The following MATN2 variants were observed in gnomAD, a reference collection of about 807,000 sequenced individuals.
MATN2 encodes the protein matrilin-2.
A neutral mutation model predicts 103.2 loss-of-function variants in MATN2; 69 were observed. That is an observed-to-expected ratio of 0.67 (90% CI 0.55 to 0.82). The LOEUF is 0.82. Among genes scored for constraint, MATN2 ranks in the 40% least tolerant of loss-of-function variants. MATN2 has a pLI of 0.00. For synonymous variants in MATN2, 429 were observed against 450.2 expected (o/e 0.95, Z 0.60); for missense variants, 1,023 against 1,211.5 (o/e 0.84, Z 2.31).
chr8:97,872,353 A>C (rs1169789741), intron 1 of MATN2, among the ~76,000 whole-genome samples: 1 of 152,178 alleles, frequency 6.6e-6, no homozygotes, highest in Non-Finnish European at 1.5e-5. Flanking sequence ...TGTCAGAGGA[A>C]CCTTTATCTA....
chr8:97,881,913 C>CAT (rs1554597815), intron 1 of MATN2, among the ~76,000 whole-genome samples: 1 of 84,090 alleles, frequency 1.2e-5, no homozygotes, highest in Non-Finnish European at 2.1e-5. Flanking sequence ...TATTACTTAT[C>CAT]TTTTTTTTTT....
intron 16 of MATN2, among the ~76,000 whole-genome samples, chr8:98,032,577 G>A (rs1376371996): frequency 6.6e-6 from 1 of 151,934 alleles, no homozygotes; most frequent in Non-Finnish European, 1.5e-5. Context: ...TGTTGCCCAG[G>A]CTGGAGTGCA....
Position 98,007,079 on chromosome 8 carries a change from A to C in MATN2, c.1328-26A>C. 1 of 1,587,450 alleles carries C rather than the reference A, an allele frequency of 6.3e-7. No homozygotes were observed. The highest frequency in any genetic ancestry group is 8.6e-7 in the Non-Finnish European group (1 of 1,165,974). ...GGGGTATTGCCCCCTCGGCTCCTCTATGCTTTCGCGTGTGTGAAAATGCAG... is the reference window on the plus strand; with the variant it reads ...GGGGTATTGCCCCCTCGGCTCCTCTCTGCTTTCGCGTGTGTGAAAATGCAG... On this transcript the variant is annotated intron_variant, in intron 8 of 18. Transcript: ENST00000254898. This position sits in a 1 kb window ranked among gnomAD's most constrained non-coding sequence, Gnocchi z 4.2.
At chr8:97,972,000 A>T (rs1157414347) in intron 5 of MATN2, among the ~76,000 whole-genome samples, 1 of 151,514 alleles carries the variant, frequency 6.6e-6, no homozygotes, top group Non-Finnish European at 1.5e-5. Flanking sequence ...GTTCGAGACC[A>T]GCCTGGTCAA....
At chr8:97,873,996 A>G (rs1334274650) in intron 1 of MATN2, among the ~76,000 whole-genome samples, 1 of 152,168 alleles carries the variant, frequency 6.6e-6, no homozygotes, top group African/African-American at 2.4e-5. Flanking sequence ...TGACTTTTCT[A>G]GCTGCTTCTC....
At chr8:98,013,091 C>A (rs1813225728) in intron 10 of MATN2, among the ~76,000 whole-genome samples, 1 of 152,196 alleles carries the variant, frequency 6.6e-6, no homozygotes, top group African/African-American at 2.4e-5. Flanking sequence ...TAGGGGACCA[C>A]TGAAGCATTT....
At chr8:97,908,382 G>A (rs1358519039) in intron 2 of MATN2, among the ~76,000 whole-genome samples, 2 of 152,110 alleles carry the variant, frequency 1.3e-5, no homozygotes, top group Non-Finnish European at 2.9e-5. Context: ...GGCTGAAGTG[G>A]GAGGATTGCT....
intron 6 of MATN2, among the ~76,000 whole-genome samples, chr8:97,983,820 T>C (rs1812106726): frequency 6.6e-6 from 1 of 152,148 alleles, no homozygotes; most frequent in South Asian, 2.1e-4. Context: ...CAGAAGGAAG[T>C]AAACTTTTTA....
At chr8:98,034,182 T>G (rs1254309923) in intron 18 of MATN2, 1 of 455,720 alleles carries the variant, frequency 2.2e-6, no homozygotes, top group African/African-American at 2.0e-5. Flanking sequence ...AGCAGAGATC[T>G]TCTCTATCGG....
In MATN2 at chr8:98,005,486, G is replaced by C. The variant is rs781042108; in HGVS notation, c.1328-1619G>C. Among the ~76,000 whole-genome samples, 3 of 152,140 alleles carry C rather than the reference G, an allele frequency of 2.0e-5. No individual in the cohort carries two copies. Among genetic ancestry groups the C allele is most frequent in the Non-Finnish European group, 2.9e-5 (2 of 68,020 alleles). On this transcript the variant is annotated intron_variant, in intron 8 of 18. Transcript: ENST00000254898. The surrounding 1 kb of genome is among the most constrained non-coding windows in gnomAD (Gnocchi z 4.6). The stretch of plus-strand genomic sequence containing the variant: ...ACGCAGATCACCAGGGACATGGCTT[G>C]ACTGCCCCTCCCAGCATGCTTCCGG...
intron 1 of MATN2, among the ~76,000 whole-genome samples, chr8:97,886,582 A>G (rs1272963394): frequency 6.6e-6 from 1 of 152,248 alleles, no homozygotes; most frequent in African/African-American, 2.4e-5. Flanking sequence ...ATCTTAATGC[A>G]TAGTAAAATT....
intron 6 of MATN2, among the ~76,000 whole-genome samples, chr8:97,991,721 CAAA>C: frequency 7.2e-6 from 1 of 138,276 alleles, no homozygotes; most frequent in East Asian, 2.2e-4. Context: ...GACTCTATCT[CAAA>C]AAAAAAAAAA....
intron 2 of MATN2, among the ~76,000 whole-genome samples, chr8:97,928,745 C>T (rs73698694): frequency 0.027 from 4,108 of 152,294 alleles, 170 homozygotes; most frequent in African/African-American, 0.093. Flanking sequence ...CAGCACACGT[C>T]GGGAGTTCCC....
At chr8:98,026,206 G>A (rs1480743899) in intron 13 of MATN2, among the ~76,000 whole-genome samples, 2 of 141,578 alleles carry the variant, frequency 1.4e-5, no homozygotes, top group African/African-American at 2.6e-5. Flanking sequence ...AAAAATGCCT[G>A]AAAAGCTTCC....
intron 2 of MATN2, among the ~76,000 whole-genome samples, chr8:97,911,642 G>T (rs1448558397): frequency 6.6e-6 from 1 of 150,850 alleles, no homozygotes; most frequent in African/African-American, 2.4e-5. Flanking sequence ...GGGAGGCAGA[G>T]GTTGTAGTGA....
At chr8:97,945,463 G>A (rs1025403025) in intron 4 of MATN2, among the ~76,000 whole-genome samples, 4 of 151,888 alleles carry the variant, frequency 2.6e-5, no homozygotes, top group Non-Finnish European at 5.9e-5. Context: ...GACCCTAGAG[G>A]ACCCCGACAT....
chr8:98,025,707 T>A (rs1227603599), intron 13 of MATN2: 1 of 422,522 alleles, frequency 2.4e-6, no homozygotes, highest in East Asian at 9.1e-5. Flanking sequence ...GATCGCGCCA[T>A]TGTACTCCAG....
intron 5 of MATN2, among the ~76,000 whole-genome samples, chr8:97,966,893 G>A (rs1206270039): frequency 1.3e-5 from 2 of 152,200 alleles, no homozygotes; most frequent in African/African-American, 4.8e-5. Context: ...GAATACCTGA[G>A]ATTAGCTAAA....
At chr8:97,916,690 G>A (rs1050884109) in intron 2 of MATN2, among the ~76,000 whole-genome samples, 4 of 152,108 alleles carry the variant, frequency 2.6e-5, no homozygotes, top group South Asian at 4.1e-4. Context: ...AGCAAACTCC[G>A]AGAGAGGACG....
Sources: gnomAD v4.1 joint callset for allele counts (sites outside exome capture counted in the v4.1 genomes callset) on GRCh38, gnomAD v4.1.1 for gene constraint, Gnocchi (gnomAD v3.1) non-coding constraint, MANE v1.5 for transcripts, NCBI Gene and HGNC (gene_info 2026-07-23, HGNC 2026-07-21) for gene names.